The following RIMS2 variants were observed in gnomAD, a reference collection of about 807,000 sequenced individuals.
The protein encoded by RIMS2 is regulating synaptic membrane exocytosis protein 2.
Under a neutral mutation model 174.4 loss-of-function variants are expected in RIMS2, and 59 were observed. The ratio of observed to expected loss-of-function variants is 0.34; its 90% confidence interval spans 0.27 to 0.42. The LOEUF (loss-of-function observed/expected upper bound fraction) is 0.42. RIMS2 is among the 10% of genes least tolerant of loss of function. The pLI is 1.00. For synonymous variants in RIMS2, 606 were observed against 572.5 expected (o/e 1.06, Z -0.84); for missense variants, 1,620 against 1,666.3 (o/e 0.97, Z 0.48).
intron 6 of RIMS2, among the ~76,000 whole-genome samples, chr8:103,913,433 C>G (rs1161047717): frequency 4.6e-5 from 7 of 152,086 alleles, no homozygotes; most frequent in Admixed American, 3.3e-4. Context: ...GACTCTGTCT[C>G]TCTCTAAAAA....
At chr8:104,074,526 G>T (rs777467142) in intron 19 of RIMS2, among the ~76,000 whole-genome samples, 25 of 152,176 alleles carry the variant, frequency 1.6e-4, no homozygotes, top group Non-Finnish European at 2.6e-4. Flanking sequence ...AAATGATAAA[G>T]AAATGACTAA....
intron 19 of RIMS2, among the ~76,000 whole-genome samples, chr8:104,145,261 A>T (rs1286066901): frequency 1.3e-5 from 2 of 151,852 alleles, no homozygotes; most frequent in African/African-American, 2.4e-5. Context: ...GTTTTTTTTT[A>T]AAGCTTTTGA....
rs191633625 is a variant in RIMS2, at chr8:103,935,490, A to C, written c.2376-1061A>C. On this transcript the variant is annotated intron_variant, in intron 12 of 23. Transcript: ENST00000504942. The stretch of plus-strand genomic sequence containing the variant: ...TGAGAAGAAGTTGCATTACTTCCCA[A>C]TTTCAGAAACAGTTCTACCCCTTCT... Among the ~76,000 whole-genome samples the C allele has an allele frequency of 3.3e-5, 5 of 152,298 alleles. No individual in the cohort carries two copies. The East Asian group carries it at 9.6e-4, about 29-fold the overall frequency.
chr8:104,202,399 T>C (rs1436080646), intron 19 of RIMS2, among the ~76,000 whole-genome samples: 1 of 152,188 alleles, frequency 6.6e-6, no homozygotes, highest in Non-Finnish European at 1.5e-5. Flanking sequence ...TTCCTTAAAG[T>C]TTTTAAAAGA....
At chr8:104,235,311 G>C (rs1382867691) in intron 19 of RIMS2, among the ~76,000 whole-genome samples, 1 of 152,094 alleles carries the variant, frequency 6.6e-6, no homozygotes, top group East Asian at 1.9e-4. Flanking sequence ...CTTAGGTTTT[G>C]ACATTGCCAA....
chr8:104,122,326 G>A (rs533735925), intron 19 of RIMS2, among the ~76,000 whole-genome samples: 1 of 152,110 alleles, frequency 6.6e-6, no homozygotes, highest in African/African-American at 2.4e-5. Flanking sequence ...ATGTGAAGCT[G>A]TAAGTGCTAG....
intron 1 of RIMS2, among the ~76,000 whole-genome samples, chr8:103,641,278 G>T (rs902630362): frequency 1.3e-5 from 2 of 151,962 alleles, no homozygotes; most frequent in Admixed American, 6.6e-5. Context: ...AATTTTAGAG[G>T]TGTATGTAAT....
chr8:103,529,722 G>A (rs550111882), intron 1 of RIMS2, among the ~76,000 whole-genome samples: 3 of 152,318 alleles, frequency 2.0e-5, no homozygotes, highest in South Asian at 4.1e-4. Flanking sequence ...TGTCGCTCAC[G>A]CTGGGAGCTG....
At chr8:104,134,378 T>C (rs139760379) in intron 19 of RIMS2, among the ~76,000 whole-genome samples, 1,938 of 152,216 alleles carry the variant, frequency 0.013, 47 homozygotes, top group African/African-American at 0.045. Flanking sequence ...GGTAGGAGAA[T>C]TGCTTGAACC....
chr8:103,629,956 T>G (rs566049560), intron 1 of RIMS2, among the ~76,000 whole-genome samples: 1 of 151,862 alleles, frequency 6.6e-6, no homozygotes, highest in East Asian at 1.9e-4. Context: ...ATATGTGTCC[T>G]CAGAGTCCCA....
intron 1 of RIMS2, among the ~76,000 whole-genome samples, chr8:103,639,852 A>G (rs939139084): frequency 2.0e-5 from 3 of 151,932 alleles, no homozygotes; most frequent in Admixed American, 1.3e-4. Flanking sequence ...ATAAACTTTG[A>G]GTCATTGTTG....
intron 3 of RIMS2, among the ~76,000 whole-genome samples, chr8:103,841,286 T>A (rs2098938119): frequency 6.6e-6 from 1 of 152,252 alleles, no homozygotes; most frequent in African/African-American, 2.4e-5. Context: ...CTCTAAAATG[T>A]ATTTCAAGAT....
At chr8:103,605,591 G>T (rs959377705) in intron 1 of RIMS2, among the ~76,000 whole-genome samples, 3 of 151,936 alleles carry the variant, frequency 2.0e-5, no homozygotes, top group African/African-American at 7.3e-5. Context: ...GTTCCTCCTT[G>T]TACCTCTGGT....
intron 2 of RIMS2, among the ~76,000 whole-genome samples, chr8:103,710,694 A>G (rs2097293299): frequency 6.6e-6 from 1 of 152,186 alleles, no homozygotes; most frequent in East Asian, 1.9e-4. Context: ...AATTTAGAAA[A>G]AAATAAATAA....
At chr8:103,651,800 T>G (rs1422050411) in intron 1 of RIMS2, among the ~76,000 whole-genome samples, 3 of 152,092 alleles carry the variant, frequency 2.0e-5, no homozygotes, top group Admixed American at 2.0e-4. Flanking sequence ...TAAAACTCTA[T>G]GTTTAATTTA....
At chr8:103,754,925 T>C (rs1049236033) in intron 2 of RIMS2, among the ~76,000 whole-genome samples, 1 of 152,206 alleles carries the variant, frequency 6.6e-6, no homozygotes. Flanking sequence ...TAGCCCGTTT[T>C]ACATTTAAGG....
chr8:103,741,762 A>G (rs1435859091), intron 2 of RIMS2, among the ~76,000 whole-genome samples: 1 of 152,146 alleles, frequency 6.6e-6, no homozygotes, highest in Non-Finnish European at 1.5e-5. Context: ...AGTTATTTTT[A>G]TAAGTATCTT....
chr8:104,189,637 A>G (rs144597124), intron 19 of RIMS2, among the ~76,000 whole-genome samples: 109 of 148,756 alleles, frequency 7.3e-4, no homozygotes, highest in African/African-American at 2.5e-3. Context: ...ATATGTATAC[A>G]ATTCTAAATA....
At chr8:103,976,394 T>C (rs1343218666) in intron 16 of RIMS2, 1 of 152,164 alleles carries the variant, frequency 6.6e-6, no homozygotes, top group Non-Finnish European at 1.5e-5. Flanking sequence ...CACATATTGA[T>C]ATGAGTATAT....
Sources: gnomAD v4.1 joint callset for allele counts (sites outside exome capture counted in the v4.1 genomes callset) on GRCh38, gnomAD v4.1.1 for gene constraint, MANE v1.5 for transcripts, NCBI Gene and HGNC (gene_info 2026-07-23, HGNC 2026-07-21) for gene names.